The following CMIP variants were observed in gnomAD, a reference collection of about 807,000 sequenced individuals.
The protein encoded by CMIP is C-Maf-inducing protein.
In CMIP, 13 loss-of-function variants were observed where a neutral mutation model predicts 97.3. That is an observed-to-expected ratio of 0.13 (90% confidence interval 0.09 to 0.21). CMIP has a LOEUF of 0.21. Ranked by LOEUF, CMIP falls within the 10% of genes least tolerant of loss-of-function variation. The pLI, the probability that CMIP is intolerant of heterozygous loss-of-function variation, is 1.00. For synonymous variants in CMIP, 538 were observed against 436.3 expected, an observed-to-expected ratio of 1.23 and a Z score of -2.91; for missense variants, 847 against 1,024.9, an observed-to-expected ratio of 0.83 and a Z score of 2.37.
At chr16:81,523,536 C>A (rs868818479) in intron 1 of CMIP, among the ~76,000 whole-genome samples, 1 of 152,190 alleles carries the variant, frequency 6.6e-6, no homozygotes, top group Non-Finnish European at 1.5e-5. Flanking sequence ...CTTACCTGGG[C>A]CCCGGCCAAG....
At chr16:81,666,447 G>A (rs1016021650) in intron 7 of CMIP, 1 of 152,108 alleles carries the variant, frequency 6.6e-6, no homozygotes, top group Admixed American at 6.5e-5. Flanking sequence ...ACAGGCTCTC[G>A]GGGCTTCACC....
intron 3 of CMIP, among the ~76,000 whole-genome samples, chr16:81,646,142 A>C (rs1342481336): frequency 1.4e-5 from 2 of 145,832 alleles, no homozygotes; most frequent in African/African-American, 5.1e-5. Flanking sequence ...GTGGGTGGAT[A>C]GTTGGGTGGG....
At chr16:81,641,973 G>A (rs902590117) in intron 3 of CMIP, among the ~76,000 whole-genome samples, 3 of 152,198 alleles carry the variant, frequency 2.0e-5, no homozygotes, top group Admixed American at 6.5e-5. Flanking sequence ...ACTCAGCCTC[G>A]ATGTTCTCAT....
chr16:81,447,202 G>A (rs1296966537), intron 1 of CMIP, among the ~76,000 whole-genome samples: 1 of 151,652 alleles, frequency 6.6e-6, no homozygotes, highest in Non-Finnish European at 1.5e-5. Flanking sequence ...TCTGGCTTCA[G>A]AATTTTCACC....
At chr16:81,620,609 G>A in intron 2 of CMIP, 1 of 413,650 alleles carries the variant, frequency 2.4e-6, no homozygotes. Context: ...TCTCAAGTCA[G>A]CAGTGTCTGA....
Position 81,652,190 on chromosome 16 carries a change from C to T in CMIP, c.478-13C>T, listed in dbSNP as rs1412761647. On this transcript the variant is annotated splice_polypyrimidine_tract_variant and intron_variant, in intron 3 of 20. Transcript: ENST00000537098. The surrounding 1 kb of genome is among the most constrained non-coding windows in gnomAD (Gnocchi z 5.2). ...GAGTAACATGTTGCTGTCTCTTTAT[C>T]TCTTTCAACCAGAAAAAGATTTACA... is the stretch of plus-strand genomic sequence containing the variant. The T allele has an allele frequency of 2.5e-6, 4 of 1,605,452 alleles. No homozygotes were observed. The highest frequency in any genetic ancestry group is 3.4e-6 in the Non-Finnish European group (4 of 1,173,024).
At chr16:81,558,858 A>C (rs1233762244) in intron 1 of CMIP, among the ~76,000 whole-genome samples, 1 of 152,202 alleles carries the variant, frequency 6.6e-6, no homozygotes, top group East Asian at 1.9e-4. Context: ...GCCTGCAGCC[A>C]TCCTGACTTT....
chr16:81,524,350 C>T (rs960016963), intron 1 of CMIP, among the ~76,000 whole-genome samples: 23 of 152,226 alleles, frequency 1.5e-4, no homozygotes, highest in African/African-American at 5.5e-4. Flanking sequence ...AGACTGTCTA[C>T]AAGTGACAGA....
rs114002742 is a variant in CMIP at position 81,593,498 on chromosome 16, G to A, written c.301-14069G>A. On this transcript the variant is annotated intron_variant, in intron 1 of 20. Transcript: ENST00000537098. ...TGCCATCCATCATGTGGAGCTGGTC[G>A]GTCACCCCATGCACCAGGCCGACTC... is the stretch of plus-strand genomic sequence containing the variant. Among the ~76,000 whole-genome samples, 332 of 152,296 alleles carry A rather than the reference G, an allele frequency of 2.2e-3. 3 individuals carry two copies. Among genetic ancestry groups the A allele is most frequent in the African/African-American group, 7.6e-3 (314 of 41,570 alleles).
intron 1 of CMIP, among the ~76,000 whole-genome samples, chr16:81,559,566 A>T (rs187867484): frequency 1.3e-5 from 2 of 152,304 alleles, no homozygotes; most frequent in East Asian, 3.9e-4. Context: ...GGAGCTGAAA[A>T]ATTCCTGTCA....
chr16:81,673,817 G>A (rs1359201607), intron 9 of CMIP, among the ~76,000 whole-genome samples: 1 of 152,220 alleles, frequency 6.6e-6, no homozygotes, highest in African/African-American at 2.4e-5. Flanking sequence ...AGTGGTCTCT[G>A]CTGCAGCCAC....
chr16:81,524,368 A>G (rs572827617), intron 1 of CMIP, among the ~76,000 whole-genome samples: 4 of 152,372 alleles, frequency 2.6e-5, no homozygotes, highest in South Asian at 4.1e-4. Flanking sequence ...AGAGAGATAC[A>G]GAGAGAATTA....
chr16:81,648,341 C>G (rs1007736265), intron 3 of CMIP, among the ~76,000 whole-genome samples: 1 of 151,964 alleles, frequency 6.6e-6, no homozygotes, highest in Admixed American at 6.5e-5. Context: ...AGAACACCAA[C>G]AATCCTCTGG....
chr16:81,573,796 G>C (rs1011770411), intron 1 of CMIP, among the ~76,000 whole-genome samples: 1 of 152,264 alleles, frequency 6.6e-6, no homozygotes, highest in Admixed American at 6.5e-5. Flanking sequence ...GTGTATTTGT[G>C]CCAGTTAAGT....
chr16:81,601,516 A>G (rs981608423), intron 1 of CMIP, among the ~76,000 whole-genome samples: 10 of 152,148 alleles, frequency 6.6e-5, no homozygotes, highest in Admixed American at 6.5e-4. Flanking sequence ...GGGGGTTCAC[A>G]TGGGACCCTC....
chr16:81,631,612 G>A (rs1003329616), intron 3 of CMIP: 6 of 152,258 alleles, frequency 3.9e-5, no homozygotes, highest in African/African-American at 1.4e-4. Context: ...GAACTCTTTT[G>A]AGACTGGCTT....
chr16:81,496,225 G>A (rs987065393), intron 1 of CMIP, among the ~76,000 whole-genome samples: 6 of 152,080 alleles, frequency 3.9e-5, no homozygotes, highest in African/African-American at 1.2e-4. Flanking sequence ...TAGGTGCTAT[G>A]GTTACTATTA....
At chr16:81,577,034 C>CTACCATCATAATTATCACCTTCAT (rs2091201391) in intron 1 of CMIP, among the ~76,000 whole-genome samples, 1 of 140,768 alleles carries the variant, frequency 7.1e-6, no homozygotes, top group African/African-American at 2.9e-5. Flanking sequence ...ATCACCATCA[C>CTACCATCATAATTATCACCTTCAT]CATCATCACC....
chr16:81,545,307 G>A (rs1567570846), intron 1 of CMIP, among the ~76,000 whole-genome samples: 1 of 152,206 alleles, frequency 6.6e-6, no homozygotes, highest in Non-Finnish European at 1.5e-5. Context: ...AGACGAACCC[G>A]TCCTTGTATC....
Sources: allele counts gnomAD v4.1 joint callset (sites outside exome capture counted in the v4.1 genomes callset), GRCh38; gene constraint gnomAD v4.1.1; non-coding constraint Gnocchi (gnomAD v3.1); transcripts MANE v1.5; gene names NCBI Gene and HGNC (gene_info 2026-07-23, HGNC 2026-07-21).